The following PTPRQ variants were observed in gnomAD, a reference collection of about 807,000 sequenced individuals.
PTPRQ encodes protein tyrosine phosphatase receptor type Q.
In PTPRQ, 199 loss-of-function variants were observed where a neutral mutation model predicts 246.0. That is an observed-to-expected ratio of 0.81 (90% CI 0.72 to 0.91). The LOEUF is 0.91. PTPRQ is among the 40% of genes least tolerant of loss of function. PTPRQ has a pLI of 0.00. For synonymous variants in PTPRQ, 869 were observed against 853.2 expected (o/e 1.02, Z -0.32); for missense variants, 2,624 against 2,528.4 (o/e 1.04, Z -0.81).
intron 9 of PTPRQ, among the ~76,000 whole-genome samples, chr12:80,492,747 G>A (rs1894487405): frequency 6.6e-6 from 1 of 151,932 alleles, no homozygotes; most frequent in Non-Finnish European, 1.5e-5. Context: ...TGAATCCTGT[G>A]TGAAAACTAT....
intron 35 of PTPRQ, among the ~76,000 whole-genome samples, chr12:80,636,096 A>G (rs756461950): frequency 2.6e-5 from 4 of 152,180 alleles, no homozygotes; most frequent in Admixed American, 6.5e-5. Flanking sequence ...AAATGCTACA[A>G]AATGAAGGTT....
At chr12:80,674,958 G>C (rs1345819664) in intron 43 of PTPRQ, among the ~76,000 whole-genome samples, 1 of 152,068 alleles carries the variant, frequency 6.6e-6, no homozygotes, top group Admixed American at 6.6e-5. Context: ...ATTTGGGCTT[G>C]CATGATAAAT....
intron 25 of PTPRQ, among the ~76,000 whole-genome samples, chr12:80,577,875 T>C (rs527993666): frequency 6.6e-6 from 1 of 152,090 alleles, no homozygotes. Flanking sequence ...CAAAATCCTG[T>C]TTGTGTTTCA....
At chr12:80,595,811 C>T (rs1057452513) in intron 26 of PTPRQ, among the ~76,000 whole-genome samples, 3 of 148,626 alleles carry the variant, frequency 2.0e-5, no homozygotes, top group Admixed American at 6.8e-5. Flanking sequence ...AGAGAATATG[C>T]GGTGTTTGAA....
chr12:80,675,869 CTTTG>C (rs898767994), intron 43 of PTPRQ, among the ~76,000 whole-genome samples: 1 of 152,132 alleles, frequency 6.6e-6, no homozygotes. Flanking sequence ...GGCTCTGTGA[CTTTG>C]TTTAGTTAGC....
chr12:80,589,647 C>G (rs892747685), intron 26 of PTPRQ, among the ~76,000 whole-genome samples: 5 of 152,124 alleles, frequency 3.3e-5, no homozygotes, highest in Non-Finnish European at 7.3e-5. Flanking sequence ...GGCATAATGT[C>G]TGTAATAGTA....
chr12:80,479,317 A>G (rs1893943591), intron 8 of PTPRQ, among the ~76,000 whole-genome samples: 1 of 150,914 alleles, frequency 6.6e-6, no homozygotes, highest in Admixed American at 6.6e-5. Context: ...TTTACAGACA[A>G]GCAAATGCTG....
chr12:80,473,951 T>C (rs993946098), intron 8 of PTPRQ, among the ~76,000 whole-genome samples: 3 of 152,228 alleles, frequency 2.0e-5, no homozygotes, highest in African/African-American at 7.2e-5. Flanking sequence ...TGGCAACTGG[T>C]GGGTTCCACC....
chr12:80,665,291 A>G (rs542910277), intron 39 of PTPRQ, among the ~76,000 whole-genome samples: 76 of 152,180 alleles, frequency 5.0e-4, no homozygotes, highest in Non-Finnish European at 1.0e-3. Context: ...AGACACACCC[A>G]GAAACAATAC....
In PTPRQ at chr12:80,483,456, G is replaced by A. The variant is rs1382014629; in HGVS notation, c.1187-977G>A. On this transcript the variant is annotated intron_variant, in intron 8 of 44. Coordinates refer to ENST00000644991, the MANE Select transcript of PTPRQ (RefSeq NM_001145026.2). ...ACGAGTTAGTGGGTGCAGCGCACCA[G>A]CGTGGCACATGTATACATATGTAAC... 2.0e-5 allele frequency among the ~76,000 whole-genome samples: 3 copies of A among 150,338 alleles called. No homozygotes were observed. In the South Asian group the frequency reaches 6.4e-4, roughly 32 times the overall value.
intron 27 of PTPRQ, among the ~76,000 whole-genome samples, chr12:80,608,007 G>C (rs1898392443): frequency 6.6e-6 from 1 of 150,708 alleles, no homozygotes; most frequent in Non-Finnish European, 1.5e-5. Flanking sequence ...GGAATATAAG[G>C]TAACAAAATA....
At chr12:80,593,298 A>G (rs1000237900) in intron 26 of PTPRQ, among the ~76,000 whole-genome samples, 5 of 152,194 alleles carry the variant, frequency 3.3e-5, no homozygotes, top group African/African-American at 1.2e-4. Context: ...TAGTTTTAAT[A>G]ATAAATATTA....
rs1896192512 is a variant in PTPRQ, at chr12:80,542,763, TC to T, written c.3756del (p.Asn1253ThrfsTer9). On this transcript the variant is annotated frameshift_variant, in exon 23 of 45. Transcript: ENST00000644991. LOFTEE classifies it high-confidence loss of function. ...PLAPPQNLTLINCTSDFVWLK... is the reference protein window; with the variant it reads ...PLAPPQNLTLXNCTSDFVWLK... ...GCACCTCCACAAAATTTGACTTTAA[TC>T]AACTGTACTTCAGACTTTGTATGGC... The T allele has an allele frequency of 1.9e-6, 3 of 1,547,920 alleles. No individual in the cohort carries two copies. The African/African-American group carries it at 4.1e-5, about 21-fold the overall frequency.
At chr12:80,522,309 CAG>C (rs1895523282) in intron 17 of PTPRQ, among the ~76,000 whole-genome samples, 1 of 152,176 alleles carries the variant, frequency 6.6e-6, no homozygotes, top group Admixed American at 6.5e-5. Flanking sequence ...CATCTGCAAA[CAG>C]GGACAATTTG....
At chr12:80,567,911 G>A (rs1897027421) in intron 25 of PTPRQ, among the ~76,000 whole-genome samples, 1 of 152,020 alleles carries the variant, frequency 6.6e-6, no homozygotes, top group Non-Finnish European at 1.5e-5. Flanking sequence ...GCAGAATTTG[G>A]TGTTATAATA....
At chr12:80,564,267 G>T (rs1453615481) in intron 25 of PTPRQ, among the ~76,000 whole-genome samples, 1 of 152,018 alleles carries the variant, frequency 6.6e-6, no homozygotes, top group Non-Finnish European at 1.5e-5. Flanking sequence ...TTTCCAGATT[G>T]CTGGCTTCTA....
chr12:80,494,880 G>A, intron 10 of PTPRQ, 53 bp from the exon 11 acceptor site: 1 of 1,478,796 alleles, frequency 6.8e-7, no homozygotes, highest in East Asian at 2.5e-5. Flanking sequence ...AAATAATTTT[G>A]ATTGTGAAGC....
chr12:80,631,866 A>G (rs867722042), intron 33 of PTPRQ, among the ~76,000 whole-genome samples: 33 of 152,288 alleles, frequency 2.2e-4, no homozygotes, highest in Admixed American at 5.2e-4. Context: ...CTTCAAAATA[A>G]AGACGTCTGG....
At chr12:80,506,693 A>T (rs1894971846) in intron 16 of PTPRQ, 23 bp downstream of exon 16, 2 of 1,525,796 alleles carry the variant, frequency 1.3e-6, no homozygotes, top group Non-Finnish European at 1.8e-6. Flanking sequence ...GTGGATATTG[A>T]TATACTTTGA....
Sources: allele counts gnomAD v4.1 joint callset (sites outside exome capture counted in the v4.1 genomes callset), GRCh38; gene constraint gnomAD v4.1.1; transcripts MANE v1.5; gene names NCBI Gene and HGNC (gene_info 2026-07-23, HGNC 2026-07-21).